Variants in THSD7A observed in about 807,000 individuals in gnomAD.
THSD7A encodes thrombospondin type 1 domain containing 7A, also known as thrombospondin type-1 domain-containing protein 7A.
A neutral mutation model predicts 231.3 loss-of-function variants in THSD7A; 96 were observed. That is an observed-to-expected ratio of 0.41 (90% CI 0.35 to 0.49). The LOEUF (loss-of-function observed/expected upper bound fraction) is 0.49. Among genes scored for constraint, THSD7A ranks in the 20% least tolerant of loss-of-function variants. The pLI, the probability that THSD7A is intolerant of heterozygous loss-of-function variation, is 0.05. For missense variants in THSD7A, 2,290 were observed against 2,070.2 expected, an observed-to-expected ratio of 1.11 and a Z score of -2.06; for synonymous variants, 940 against 743.3, an observed-to-expected ratio of 1.26 and a Z score of -4.30.
At position 11,590,625 on chromosome 7, in the gene THSD7A, T is replaced by C. The variant is rs1780123217; in HGVS notation, c.1288A>G (p.Thr430Ala). ...TCCACACGGCACTCAGTCCACTCTG[T>C]AGTTCTCCAGCCATACCTAAATAAA... ...VPCATYGWRT[T>A]EWTECRVDPL... is the part of the protein sequence containing the mutation. The change falls in exon 4 of 28, where the codon ACA becomes GCA. Residue 430 changes from threonine (T) to alanine (A), a missense_variant. Transcript: ENST00000423059. The surrounding 1 kb of genome is among the most constrained non-coding windows in gnomAD (Gnocchi z 4.4). 1 of 1,609,618 alleles carries C rather than the reference T, an allele frequency of 6.2e-7. No individual in the cohort carries two copies. Among genetic ancestry groups the C allele is most frequent in the East Asian group, 2.2e-5 (1 of 44,720 alleles).
chr7:11,502,916 C>T (rs370851559), intron 6 of THSD7A, among the ~76,000 whole-genome samples: 3 of 152,098 alleles, frequency 2.0e-5, no homozygotes, highest in East Asian at 3.9e-4. Flanking sequence ...TCCTATCAAT[C>T]CATCAATAAC....
At chr7:11,508,676 CA>C (rs1372359414) in intron 6 of THSD7A, among the ~76,000 whole-genome samples, 1 of 152,214 alleles carries the variant, frequency 6.6e-6, no homozygotes, top group Non-Finnish European at 1.5e-5. Flanking sequence ...TCACAATTGT[CA>C]ACATGTGGTA....
intron 1 of THSD7A, among the ~76,000 whole-genome samples, chr7:11,813,048 C>T (rs972026916): frequency 7.2e-5 from 11 of 152,252 alleles, no homozygotes; most frequent in East Asian, 1.9e-4. Context: ...GCTGTGAAAA[C>T]GATGTAGGCA....
chr7:11,777,504 A>G (rs74352254), intron 1 of THSD7A, among the ~76,000 whole-genome samples: 3,993 of 151,964 alleles, frequency 0.026, 177 homozygotes, highest in African/African-American at 0.091. Flanking sequence ...CAGCATCTAC[A>G]ACAAATGCAT....
At chr7:11,588,533 A>G (rs193067681) in intron 4 of THSD7A, among the ~76,000 whole-genome samples, 41 of 152,306 alleles carry the variant, frequency 2.7e-4, no homozygotes, top group African/African-American at 9.1e-4. Flanking sequence ...TCTAACAACT[A>G]CATCTTAATA....
At chr7:11,595,121 TC>T (rs1780312596) in intron 2 of THSD7A, among the ~76,000 whole-genome samples, 1 of 152,126 alleles carries the variant, frequency 6.6e-6, no homozygotes. Flanking sequence ...AGTGATGGCC[TC>T]CCCTGAGGCA....
chr7:11,415,243 G>A (rs1013836066), intron 17 of THSD7A, among the ~76,000 whole-genome samples: 3 of 152,200 alleles, frequency 2.0e-5, no homozygotes, highest in Non-Finnish European at 2.9e-5. Context: ...CTTGGAGGCC[G>A]TCTTGCAACA....
intron 2 of THSD7A, among the ~76,000 whole-genome samples, chr7:11,603,621 A>G (rs1780628726): frequency 6.6e-6 from 1 of 151,874 alleles, no homozygotes; most frequent in African/African-American, 2.4e-5. Context: ...AAGACTTGGA[A>G]CCAACCCAAA....
At chr7:11,760,800 A>C (rs1782831291) in intron 1 of THSD7A, among the ~76,000 whole-genome samples, 1 of 151,986 alleles carries the variant, frequency 6.6e-6, no homozygotes, top group Non-Finnish European at 1.5e-5. Context: ...GTGAGGTTTA[A>C]ATTTGTTATG....
chr7:11,792,119 G>A (rs992000353), intron 1 of THSD7A, among the ~76,000 whole-genome samples: 3 of 151,666 alleles, frequency 2.0e-5, no homozygotes, highest in Non-Finnish European at 2.9e-5. Flanking sequence ...TCCATTTCAC[G>A]CTCTCCTCTT....
chr7:11,454,662 T>G (rs981902089), intron 11 of THSD7A, among the ~76,000 whole-genome samples: 16 of 152,060 alleles, frequency 1.1e-4, no homozygotes, highest in African/African-American at 3.9e-4. Flanking sequence ...TATAGTATAT[T>G]TTCTACCATA....
intron 16 of THSD7A, among the ~76,000 whole-genome samples, chr7:11,418,193 T>G (rs573596067): frequency 6.6e-6 from 1 of 152,328 alleles, no homozygotes; most frequent in African/African-American, 2.4e-5. Flanking sequence ...CCTTCTGCTG[T>G]GAATCTTAAA....
At chr7:11,654,135 T>C (rs1404022173) in intron 1 of THSD7A, among the ~76,000 whole-genome samples, 2 of 151,914 alleles carry the variant, frequency 1.3e-5, no homozygotes, top group Non-Finnish European at 2.9e-5. Context: ...GAGGATTGTA[T>C]AGTTTCTGGG....
chr7:11,772,526 G>T (rs1293096495), intron 1 of THSD7A, among the ~76,000 whole-genome samples: 1 of 152,156 alleles, frequency 6.6e-6, no homozygotes, highest in Non-Finnish European at 1.5e-5. Flanking sequence ...TATACACCAT[G>T]AAATACTATG....
At chr7:11,619,900 T>G (rs1039549866) in intron 2 of THSD7A, among the ~76,000 whole-genome samples, 7 of 152,194 alleles carry the variant, frequency 4.6e-5, no homozygotes, top group Middle Eastern at 3.2e-3. Context: ...TTTATTGTCC[T>G]TTCTTAAAAA....
At chr7:11,698,042 T>C (rs1780455325) in intron 1 of THSD7A, among the ~76,000 whole-genome samples, 1 of 151,430 alleles carries the variant, frequency 6.6e-6, no homozygotes. Context: ...ATCATTATAT[T>C]AGCCTTCTAT....
chr7:11,648,197 C>G (rs1219586896), intron 1 of THSD7A, among the ~76,000 whole-genome samples: 1 of 152,034 alleles, frequency 6.6e-6, no homozygotes, highest in East Asian at 1.9e-4. Flanking sequence ...CAGCTCTGTC[C>G]CGTGGGAGGA....
chr7:11,640,115 C>T (rs1424297656), intron 1 of THSD7A, among the ~76,000 whole-genome samples: 4 of 152,158 alleles, frequency 2.6e-5, no homozygotes, highest in East Asian at 1.9e-4. Context: ...GTCACACTTT[C>T]GGTTAGTAGA....
At chr7:11,730,368 C>A (rs1781688149) in intron 1 of THSD7A, among the ~76,000 whole-genome samples, 1 of 151,458 alleles carries the variant, frequency 6.6e-6, no homozygotes, top group African/African-American at 2.4e-5. Flanking sequence ...CTGGGGAATA[C>A]TGAATGCACT....
Sources: allele counts gnomAD v4.1 joint callset (sites outside exome capture counted in the v4.1 genomes callset), GRCh38; gene constraint gnomAD v4.1.1; non-coding constraint Gnocchi (gnomAD v3.1); transcripts MANE v1.5; gene names NCBI Gene and HGNC (gene_info 2026-07-23, HGNC 2026-07-21).